The following TMEM232 variants were observed in gnomAD, a reference collection of about 807,000 sequenced individuals.
The protein encoded by TMEM232 is transmembrane protein 232.
A neutral mutation model predicts 78.8 loss-of-function variants in TMEM232; 80 were observed. The observed-to-expected ratio is 1.01, with a 90% CI of 0.85 to 1.22. The LOEUF (loss-of-function observed/expected upper bound fraction) is 1.22. Among genes scored for constraint, TMEM232 ranks in the 50% most tolerant of loss-of-function variants. TMEM232 has a pLI of 0.00. For synonymous variants in TMEM232, 297 were observed against 254.3 expected, an observed-to-expected ratio of 1.17 and a Z score of -1.60; for missense variants, 881 against 742.2, an observed-to-expected ratio of 1.19 and a Z score of -2.17.
At chr5:110,406,501 A>C (rs1227424804) in intron 2 of TMEM232, among the ~76,000 whole-genome samples, 2 of 152,036 alleles carry the variant, frequency 1.3e-5, no homozygotes, top group Non-Finnish European at 2.9e-5. Context: ...ATTAAAAAAA[A>C]CTGCAACCTC....
chr5:110,517,161 A>G (rs1768794882), intron 12 of TMEM232, among the ~76,000 whole-genome samples: 1 of 152,208 alleles, frequency 6.6e-6, no homozygotes, highest in African/African-American at 2.4e-5. Flanking sequence ...CCTTTCAGGG[A>G]TGAAAAAGAA....
At chr5:110,584,194 C>T (rs564256447) in intron 10 of TMEM232, among the ~76,000 whole-genome samples, 2 of 151,848 alleles carry the variant, frequency 1.3e-5, no homozygotes, top group African/African-American at 4.8e-5. Context: ...GAGATATTAG[C>T]ATTACCATAT....
intron 2 of TMEM232, among the ~76,000 whole-genome samples, chr5:110,660,340 T>C (rs761324105): frequency 6.6e-6 from 1 of 152,192 alleles, no homozygotes; most frequent in Middle Eastern, 3.4e-3. Context: ...ATGTTCAGTT[T>C]TAAACATTTT....
intron 12 of TMEM232, among the ~76,000 whole-genome samples, chr5:110,503,105 T>A (rs1465194506): frequency 1.4e-5 from 2 of 145,122 alleles, no homozygotes; most frequent in African/African-American, 5.7e-5. Flanking sequence ...TTCAGTTATG[T>A]TTAGCTTATT....
intron 8 of TMEM232, among the ~76,000 whole-genome samples, chr5:110,614,831 G>A (rs977177639): frequency 6.6e-6 from 1 of 151,912 alleles, no homozygotes; most frequent in Admixed American, 6.6e-5. Flanking sequence ...CTATCTGAAA[G>A]AATCACCACA....
At chr5:110,434,099 G>T (rs1758149897) in intron 12 of TMEM232, among the ~76,000 whole-genome samples, 1 of 149,706 alleles carries the variant, frequency 6.7e-6, no homozygotes, top group Non-Finnish European at 1.5e-5. Context: ...CACAAGAAAA[G>T]AAATAACTAA....
intron 2 of TMEM232, among the ~76,000 whole-genome samples, chr5:110,651,543 C>T (rs2150059917): frequency 6.6e-6 from 1 of 152,078 alleles, no homozygotes; most frequent in Middle Eastern, 3.4e-3. Context: ...GGGACTAGTT[C>T]TCTCAGGGTA....
intron 12 of TMEM232, among the ~76,000 whole-genome samples, chr5:110,468,677 A>T (rs1006589453): frequency 2.6e-5 from 4 of 152,176 alleles, no homozygotes; most frequent in Non-Finnish European, 4.4e-5. Flanking sequence ...TACCAGTTTA[A>T]TAAAATTATA....
At chr5:110,658,805 T>A (rs775193753) in intron 2 of TMEM232, among the ~76,000 whole-genome samples, 1 of 152,192 alleles carries the variant, frequency 6.6e-6, no homozygotes, top group Non-Finnish European at 1.5e-5. Flanking sequence ...ATTGCCTGCA[T>A]TCTTTGGCTT....
At chr5:110,628,662 A>AGT (rs146531604) in intron 5 of TMEM232, among the ~76,000 whole-genome samples, 17,958 of 140,652 alleles carry the variant, frequency 0.13, 1,101 homozygotes, top group East Asian at 0.22. Flanking sequence ...GTCAGTATCC[A>AGT]GTGTGTGTGT....
intron 12 of TMEM232, among the ~76,000 whole-genome samples, chr5:110,494,468 A>T (rs1765436204): frequency 6.6e-6 from 1 of 152,084 alleles, no homozygotes; most frequent in Admixed American, 6.6e-5. Context: ...GAGTATGTGG[A>T]ACAATGGGAA....
At chr5:110,700,260 A>G (rs1401656499) in intron 1 of TMEM232, among the ~76,000 whole-genome samples, 2 of 152,072 alleles carry the variant, frequency 1.3e-5, no homozygotes, top group Non-Finnish European at 2.9e-5. Context: ...TTTTCAAACA[A>G]TATTTGGGAA....
chr5:110,520,381 T>C (rs917273205), intron 12 of TMEM232, among the ~76,000 whole-genome samples: 1 of 152,042 alleles, frequency 6.6e-6, no homozygotes, highest in Non-Finnish European at 1.5e-5. Flanking sequence ...TCTGAAATTA[T>C]TTTAGAACAC....
At chr5:110,476,288 G>A (rs761931819) in intron 12 of TMEM232, among the ~76,000 whole-genome samples, 19 of 151,898 alleles carry the variant, frequency 1.3e-4, no homozygotes, top group Non-Finnish European at 7.4e-5. Context: ...CAACTTGACT[G>A]GTGTCCTTAA....
chr5:110,712,515 T>C (rs190336285), intron 1 of TMEM232, among the ~76,000 whole-genome samples: 252 of 152,250 alleles, frequency 1.7e-3, no homozygotes, highest in Middle Eastern at 0.014. Context: ...TCATTGATCA[T>C]CAGAGAAATG....
intron 10 of TMEM232, among the ~76,000 whole-genome samples, chr5:110,588,572 T>A (rs928465432): frequency 3.9e-5 from 6 of 152,142 alleles, no homozygotes; most frequent in Non-Finnish European, 8.8e-5. Flanking sequence ...AATGCAATTA[T>A]CTTCACATAC....
At chr5:110,730,248 T>C (rs1158949781), upstream of TMEM232, among the ~76,000 whole-genome samples, 1 of 152,208 alleles carries the variant, frequency 6.6e-6, no homozygotes, top group African/African-American at 2.4e-5. Context: ...TAGATTAGAA[T>C]TGATTTTCCA....
intron 12 of TMEM232, among the ~76,000 whole-genome samples, chr5:110,497,976 C>A (rs1765812286): frequency 6.6e-6 from 1 of 152,010 alleles, no homozygotes. Flanking sequence ...TCGTACAAGA[C>A]AAAGTGGAGG....
intron 12 of TMEM232, among the ~76,000 whole-genome samples, chr5:110,436,542 A>T (rs12654723): frequency 6.6e-6 from 1 of 151,978 alleles, no homozygotes; most frequent in East Asian, 1.9e-4. Context: ...AGACCAATGT[A>T]CTGGAGAGTT....
Sources: gnomAD v4.1 joint callset for allele counts (sites outside exome capture counted in the v4.1 genomes callset) on GRCh38, gnomAD v4.1.1 for gene constraint, MANE v1.5 for transcripts, NCBI Gene and HGNC (gene_info 2026-07-23, HGNC 2026-07-21) for gene names.